CADPS: variants seen among roughly 807,000 people sequenced by gnomAD.
CADPS encodes calcium dependent secretion activator.
A neutral mutation model predicts 167.3 loss-of-function variants in CADPS; 57 were observed. The ratio of observed to expected loss-of-function variants is 0.34; its 90% CI spans 0.28 to 0.42. The LOEUF (loss-of-function observed/expected upper bound fraction) is 0.42, where lower values mean the gene tolerates loss of function less well. Ranked by LOEUF, CADPS falls within the 20% of genes least tolerant of loss-of-function variation. The probability of loss-of-function intolerance (pLI) is 1.00; values close to 1 mark genes in which losing one functional copy is unlikely to be tolerated. For synonymous variants in CADPS, 676 were observed against 635.3 expected, an observed-to-expected ratio of 1.06 and a Z score of -0.96; for missense variants, 1,414 against 1,738.1, an observed-to-expected ratio of 0.81 and a Z score of 3.32.
intron 3 of CADPS, among the ~76,000 whole-genome samples, chr3:62,709,274 G>A (rs753378133): frequency 2.0e-5 from 3 of 152,114 alleles, no homozygotes. Flanking sequence ...AAAAGTTTAT[G>A]TAGACTCTTA....
intron 9 of CADPS, among the ~76,000 whole-genome samples, 167 bp from the exon 10 acceptor site, chr3:62,557,680 G>A (rs1471018616): frequency 2.6e-5 from 4 of 152,108 alleles, no homozygotes; most frequent in Admixed American, 2.6e-4. Flanking sequence ...AACCTCTCTG[G>A]TCCTTCATAA....
chr3:62,830,423 C>T (rs1015818917), intron 1 of CADPS, among the ~76,000 whole-genome samples: 4 of 152,124 alleles, frequency 2.6e-5, no homozygotes, highest in Non-Finnish European at 5.9e-5. Flanking sequence ...AATCTTTTTC[C>T]CTCTTGGATA....
intron 3 of CADPS, among the ~76,000 whole-genome samples, chr3:62,688,666 C>T (rs192035600): frequency 6.6e-6 from 1 of 152,170 alleles, no homozygotes; most frequent in East Asian, 1.9e-4. Flanking sequence ...CCTTCCTGTC[C>T]TAGTCTGTCA....
chr3:62,721,846 G>C (rs77601685), intron 3 of CADPS, among the ~76,000 whole-genome samples: 2,515 of 152,198 alleles, frequency 0.017, 73 homozygotes, highest in African/African-American at 0.058. Context: ...AACAGAGGTA[G>C]GGGAAGTTTA....
chr3:62,619,407 A>T (rs1461850718), intron 6 of CADPS, among the ~76,000 whole-genome samples: 1 of 152,220 alleles, frequency 6.6e-6, no homozygotes, highest in Non-Finnish European at 1.5e-5. Context: ...CACGTGCTGC[A>T]TTCTACCCCA....
At chr3:62,803,806 G>A (rs888178189) in intron 1 of CADPS, among the ~76,000 whole-genome samples, 1 of 152,070 alleles carries the variant, frequency 6.6e-6, no homozygotes, top group Admixed American at 6.6e-5. Context: ...AATTTTCAGG[G>A]TAACTTCAAG....
intron 17 of CADPS, among the ~76,000 whole-genome samples, chr3:62,503,579 C>T (rs1199070746): frequency 6.6e-6 from 1 of 152,182 alleles, no homozygotes; most frequent in East Asian, 1.9e-4. Flanking sequence ...TTCAACATGT[C>T]AAAATCTGTC....
intron 8 of CADPS, among the ~76,000 whole-genome samples, chr3:62,573,763 G>T (rs967730937): frequency 6.6e-6 from 1 of 152,122 alleles, no homozygotes; most frequent in Admixed American, 6.5e-5. Context: ...TGCTGTTACA[G>T]TTATCACACA....
intron 1 of CADPS, among the ~76,000 whole-genome samples, chr3:62,833,618 A>G (rs1433665343): frequency 1.3e-5 from 2 of 152,114 alleles, no homozygotes; most frequent in East Asian, 1.9e-4. Context: ...ATAATATAGA[A>G]TGGGATCTTA....
chr3:62,398,810 T>A lies in CADPS; in HGVS notation c.*596A>T, dbSNP rs1704900187. On this transcript the variant is annotated 3_prime_UTR_variant, in exon 30 of 30. Coordinates refer to ENST00000383710, the MANE Select transcript of CADPS (RefSeq NM_003716.4). ...ATCCATTGGTATGTAGCCATCCTTT[T>A]TTTTTTGGCTAATTATATGAGTAAA... 6.6e-6 allele frequency: 1 copy of A among 152,194 alleles called. No homozygotes were observed. The highest frequency in any genetic ancestry group is 1.5e-5 in the Non-Finnish European group (1 of 68,034). 9.4% of individuals were successfully genotyped at this position (152,194 alleles called of 1,614,324 possible). A position where few individuals can be genotyped will look rare whatever the true frequency, so the allele number is the denominator to read the frequency against.
Position 62,748,742 on chromosome 3 carries a change from C to A in CADPS, c.888+4699G>T, listed in dbSNP as rs150948233. Among the ~76,000 whole-genome samples the A allele has an allele frequency of 1.8e-4, 28 of 152,324 alleles. No individual in the cohort carries two copies. The East Asian group carries it at 5.4e-3, about 29-fold the overall frequency. On this transcript the variant is annotated intron_variant, in intron 3 of 29. Transcript: ENST00000383710. Reference sequence around the variant, plus strand: ...ATTTTTTTTGAGACAGAGTCTCACTCTGTCACCCAGGCTAGGGTGCAGTGG... The same window carrying A: ...ATTTTTTTTGAGACAGAGTCTCACTATGTCACCCAGGCTAGGGTGCAGTGG...
At chr3:62,692,323 A>C (rs955038740) in intron 3 of CADPS, among the ~76,000 whole-genome samples, 1 of 152,084 alleles carries the variant, frequency 6.6e-6, no homozygotes, top group South Asian at 2.1e-4. Flanking sequence ...GATAAGAATC[A>C]CTGAGGTGAA....
At chr3:62,823,130 G>C (rs1193859913) in intron 1 of CADPS, among the ~76,000 whole-genome samples, 1 of 152,190 alleles carries the variant, frequency 6.6e-6, no homozygotes, top group African/African-American at 2.4e-5. Context: ...AATAGATGCA[G>C]ACAATTGTGT....
chr3:62,637,040 C>A (rs943819267), intron 6 of CADPS, among the ~76,000 whole-genome samples: 6 of 152,110 alleles, frequency 3.9e-5, no homozygotes, highest in South Asian at 2.1e-4. Context: ...TATTTCTTAA[C>A]AGTACCATGT....
chr3:62,484,375 A>G (rs976685369), intron 21 of CADPS, among the ~76,000 whole-genome samples: 6 of 152,210 alleles, frequency 3.9e-5, no homozygotes, highest in Non-Finnish European at 7.3e-5. Flanking sequence ...CTTAGTTCCA[A>G]TCAGGCTCCT....
rs971298314 is a variant in CADPS at position 62,465,554 on chromosome 3, G to A, written c.3553-104C>T. ...CATAAAGGCTGGGATCGAGCCCTCC[G>A]TTCATTTCTGCAGTCTATTATTTGA... On this transcript the variant is annotated intron_variant, in intron 25 of 29. Coordinates refer to ENST00000383710, the MANE Select transcript of CADPS (RefSeq NM_003716.4). This position sits in a 1 kb window ranked among gnomAD's most constrained non-coding sequence, Gnocchi z 4.1. The A allele has an allele frequency of 3.1e-5, 21 of 684,692 alleles. No homozygotes were observed. Among genetic ancestry groups the A allele is most frequent in the Middle Eastern group, 4.2e-4 (1 of 2,404 alleles). The allele number at this position is 684,692 out of a possible 1,614,324, so 42.4% of individuals were successfully genotyped here. A position where few individuals can be genotyped will look rare whatever the true frequency, so the allele number is the denominator to read the frequency against.
At position 62,840,225 on chromosome 3, in the gene CADPS, C is replaced by A. The variant is rs570204506; in HGVS notation, c.441+34364G>T. Among the ~76,000 whole-genome samples, 14 of 152,310 alleles carry A rather than the reference C, an allele frequency of 9.2e-5. No homozygotes were observed. The East Asian group carries it at 2.7e-3, about 29-fold the overall frequency. On this transcript the variant is annotated intron_variant, in intron 1 of 29. Coordinates refer to ENST00000383710, the MANE Select transcript of CADPS (RefSeq NM_003716.4). Reference sequence around the variant, plus strand: ...CATCTACTTCAATGGGGATAATAATCACTTTCCAATTCTAATTCATAAGTA... The same window carrying A: ...CATCTACTTCAATGGGGATAATAATAACTTTCCAATTCTAATTCATAAGTA...
At chr3:62,852,517 C>G (rs1577342744) in intron 1 of CADPS, among the ~76,000 whole-genome samples, 1 of 152,146 alleles carries the variant, frequency 6.6e-6, no homozygotes, top group East Asian at 1.9e-4. Context: ...ATGGCCCCAT[C>G]ATGAGACTGT....
intron 6 of CADPS, among the ~76,000 whole-genome samples, chr3:62,644,592 C>T (rs113900181): frequency 6.6e-5 from 10 of 152,268 alleles, no homozygotes; most frequent in African/African-American, 2.4e-4. Flanking sequence ...ATGGCCCTGC[C>T]TGCCTCTCTG....
Sources: allele counts gnomAD v4.1 joint callset (sites outside exome capture counted in the v4.1 genomes callset), GRCh38; gene constraint gnomAD v4.1.1; non-coding constraint Gnocchi (gnomAD v3.1); transcripts MANE v1.5; gene names NCBI Gene and HGNC (gene_info 2026-07-23, HGNC 2026-07-21).